DTNA: variants seen among roughly 807,000 people sequenced by gnomAD.
The protein encoded by DTNA is dystrobrevin alpha.
In DTNA, 43 loss-of-function variants were observed where a neutral mutation model predicts 100.7. The observed-to-expected ratio is 0.43, with a 90% CI of 0.33 to 0.55. The LOEUF (loss-of-function observed/expected upper bound fraction) is 0.55, where lower values mean the gene tolerates loss of function less well. Ranked by LOEUF, DTNA falls within the 20% of genes least tolerant of loss-of-function variation. The probability of loss-of-function intolerance (pLI) is 0.04; values close to 1 mark genes in which losing one functional copy is unlikely to be tolerated. For synonymous variants in DTNA, 349 were observed against 347.9 expected, an observed-to-expected ratio of 1.00 and a Z score of -0.04; for missense variants, 798 against 953.9, an observed-to-expected ratio of 0.84 and a Z score of 2.15.
intron 1 of DTNA, among the ~76,000 whole-genome samples, chr18:34,725,291 T>C (rs2086360950): frequency 6.6e-6 from 1 of 151,676 alleles, no homozygotes; most frequent in South Asian, 2.1e-4. Flanking sequence ...AAAGAAACTA[T>C]CAACAGAGTG....
chr18:34,610,211 A>G (rs1356772662), intron 1 of DTNA, among the ~76,000 whole-genome samples: 2 of 152,176 alleles, frequency 1.3e-5, no homozygotes, highest in Non-Finnish European at 2.9e-5. Context: ...GCCACTAGTC[A>G]AGTACGTGAG....
intron 1 of DTNA, among the ~76,000 whole-genome samples, chr18:34,711,960 C>A (rs1275006209): frequency 6.6e-6 from 1 of 152,034 alleles, no homozygotes; most frequent in Non-Finnish European, 1.5e-5. Context: ...TGAGCTATGA[C>A]CATGTCTTTC....
chr18:34,591,072 T>A (rs2049670539), intron 1 of DTNA, among the ~76,000 whole-genome samples: 1 of 152,146 alleles, frequency 6.6e-6, no homozygotes, highest in African/African-American at 2.4e-5. Flanking sequence ...ATTATTATAG[T>A]TTACTCATTA....
At chr18:34,827,291 A>G (rs935892358) in intron 9 of DTNA, among the ~76,000 whole-genome samples, 2 of 152,152 alleles carry the variant, frequency 1.3e-5, no homozygotes, top group African/African-American at 4.8e-5. Context: ...ACCTTCTTCA[A>G]AATCCTTGCT....
intron 3 of DTNA, among the ~76,000 whole-genome samples, chr18:34,782,371 G>A (rs1451142913): frequency 2.0e-5 from 3 of 152,134 alleles, no homozygotes; most frequent in Non-Finnish European, 4.4e-5. Context: ...ATAAAATTTA[G>A]CTCATGATTT....
intron 1 of DTNA, chr18:34,593,431 C>G (rs1482886884): frequency 6.6e-6 from 1 of 152,090 alleles, no homozygotes; most frequent in Non-Finnish European, 1.5e-5. Flanking sequence ...TTGTAATTAC[C>G]AATTTGGTTC....
At chr18:34,773,828 A>G (rs1472307647) in intron 3 of DTNA, among the ~76,000 whole-genome samples, 1 of 152,206 alleles carries the variant, frequency 6.6e-6, no homozygotes, top group Non-Finnish European at 1.5e-5. Context: ...AGTCCTGATG[A>G]TTATGATATG....
chr18:34,501,353 T>C (rs1295918040), intron 1 of DTNA, among the ~76,000 whole-genome samples: 3 of 152,232 alleles, frequency 2.0e-5, no homozygotes, highest in Non-Finnish European at 2.9e-5. Flanking sequence ...TATGAATTAC[T>C]GAATTGATTT....
intron 1 of DTNA, among the ~76,000 whole-genome samples, chr18:34,503,166 C>T (rs568292961): frequency 6.6e-6 from 1 of 151,536 alleles, no homozygotes; most frequent in South Asian, 2.1e-4. Flanking sequence ...AATATAGACA[C>T]TCATTTTTCT....
intron 9 of DTNA, among the ~76,000 whole-genome samples, chr18:34,826,438 C>T (rs1265273993): frequency 6.6e-6 from 1 of 152,026 alleles, no homozygotes; most frequent in African/African-American, 2.4e-5. Flanking sequence ...TTAAAGCCTG[C>T]AGAGCTTCAG....
rs141395187 is a variant in DTNA at position 34,873,614 on chromosome 18, T to C, written c.1744-1625T>C. ...AAGCAATTATTTTCACCTCTCTGAG[T>C]ACTGGGCTCCACAACTTCACATTTA... On this transcript the variant is annotated intron_variant, in intron 17 of 22. Coordinates refer to ENST00000444659, the MANE Select transcript of DTNA (RefSeq NM_001386795.1). 3.6e-3 allele frequency among the ~76,000 whole-genome samples: 555 copies of C among 152,324 alleles called. 6 individuals carry two copies. Among genetic ancestry groups the C allele is most frequent in the African/African-American group, 0.013 (532 of 41,584 alleles).
At chr18:34,535,524 T>C (rs2043613107) in intron 1 of DTNA, among the ~76,000 whole-genome samples, 2 of 152,140 alleles carry the variant, frequency 1.3e-5, no homozygotes, top group Admixed American at 1.3e-4. Flanking sequence ...AATATGGCTT[T>C]TGTTGCAATT....
At chr18:34,659,540 G>C (rs2074871110) in intron 1 of DTNA, among the ~76,000 whole-genome samples, 1 of 151,880 alleles carries the variant, frequency 6.6e-6, no homozygotes, top group Non-Finnish European at 1.5e-5. Flanking sequence ...TGATATTTCA[G>C]CTCTCAGTTT....
At chr18:34,593,252 C>A (rs145515442) in intron 1 of DTNA, 3 of 152,258 alleles carry the variant, frequency 2.0e-5, no homozygotes, top group Non-Finnish European at 2.9e-5. Flanking sequence ...CGCATGAAAG[C>A]CTGCCATTGG....
chr18:34,746,934 A>C (rs760556590), intron 1 of DTNA, among the ~76,000 whole-genome samples: 2 of 152,052 alleles, frequency 1.3e-5, no homozygotes, highest in Non-Finnish European at 2.9e-5. Flanking sequence ...AAATGTCCTT[A>C]AGCAACTTGT....
chr18:34,613,661 C>T (rs527443332), intron 1 of DTNA, among the ~76,000 whole-genome samples: 3 of 152,172 alleles, frequency 2.0e-5, no homozygotes, highest in Non-Finnish European at 4.4e-5. Context: ...GAGCCTAATC[C>T]AGCTCAAGGC....
At chr18:34,607,549 A>G (rs766495828) in intron 1 of DTNA, among the ~76,000 whole-genome samples, 11 of 152,218 alleles carry the variant, frequency 7.2e-5, no homozygotes, top group Non-Finnish European at 1.6e-4. Context: ...TTCTAAATAA[A>G]TATATAAAAA....
intron 21 of DTNA, among the ~76,000 whole-genome samples, chr18:34,883,384 T>C (rs1309153557): frequency 6.6e-6 from 1 of 151,992 alleles, no homozygotes; most frequent in East Asian, 1.9e-4. Flanking sequence ...CAATCATAGC[T>C]CACTGCAGCC....
At chr18:34,841,249 T>C (rs536917883) in intron 13 of DTNA, among the ~76,000 whole-genome samples, 2 of 152,298 alleles carry the variant, frequency 1.3e-5, no homozygotes, top group South Asian at 4.1e-4. Flanking sequence ...TTTCATCACC[T>C]CTTTTAAAAT....
Sources: gnomAD v4.1 joint callset for allele counts (sites outside exome capture counted in the v4.1 genomes callset) on GRCh38, gnomAD v4.1.1 for gene constraint, MANE v1.5 for transcripts, NCBI Gene and HGNC (gene_info 2026-07-23, HGNC 2026-07-21) for gene names.